The following FRYL variants were observed in gnomAD, a reference collection of about 807,000 sequenced individuals.
FRYL encodes protein furry homolog-like.
In FRYL, 150 loss-of-function variants were observed where a neutral mutation model predicts 351.2. That is an observed-to-expected ratio of 0.43 (90% CI 0.37 to 0.49). FRYL has a LOEUF of 0.49. Ranked by LOEUF, FRYL falls within the 20% of genes least tolerant of loss-of-function variation. FRYL has a pLI of 0.00. For synonymous variants in FRYL, 1,153 were observed against 1,257.1 expected (o/e 0.92, Z 1.75); for missense variants, 3,036 against 3,619.3 (o/e 0.84, Z 4.13).
Position 48,671,873 on chromosome 4 carries a change from C to CAAAAAAAAAAAA in FRYL, c.-81+12788_-81+12799dup, listed in dbSNP as rs71191252. On this transcript the variant is annotated intron_variant, in intron 3 of 63. Coordinates refer to ENST00000358350, the MANE Select transcript of FRYL (RefSeq NM_015030.2). ...GTCTCAAAAACAAAAAAAAAAAAAA[C>CAAAAAAAAAAAA]AAAAAAAAAAAAAAAAAAGAAGGAA... Among the ~76,000 whole-genome samples, 120 of 51,852 alleles carry CAAAAAAAAAAAA rather than the reference C, an allele frequency of 2.3e-3. 1 individual carries two copies. The highest frequency in any genetic ancestry group is 6.5e-3 in the Admixed American group (20 of 3,064). The allele number at this position is 51,852 out of a possible 152,430, so 34.0% of individuals were successfully genotyped here. A position where few individuals can be genotyped will look rare whatever the true frequency, so the allele number is the denominator to read the frequency against.
intron 3 of FRYL, among the ~76,000 whole-genome samples, chr4:48,663,492 T>G (rs1421086824): frequency 6.6e-6 from 1 of 151,242 alleles, no homozygotes; most frequent in African/African-American, 2.4e-5. Context: ...CAAGACAGAT[T>G]TAAACCCAAA....
At chr4:48,634,188 A>T (rs1753792662) in intron 4 of FRYL, 103 bp downstream of exon 4, 3 of 849,894 alleles carry the variant, frequency 3.5e-6, no homozygotes, top group Non-Finnish European at 5.8e-6. Flanking sequence ...ACTATCCCTT[A>T]ATATTTTTTT....
chr4:48,689,411 A>G (rs574611590), intron 2 of FRYL, among the ~76,000 whole-genome samples: 12 of 152,354 alleles, frequency 7.9e-5, no homozygotes, highest in African/African-American at 2.6e-4. Context: ...ATTCAACTAC[A>G]AATTTATCAT....
chr4:48,568,157 C>T (rs146458150), intron 27 of FRYL, among the ~76,000 whole-genome samples: 11 of 152,182 alleles, frequency 7.2e-5, no homozygotes, highest in East Asian at 3.9e-4. Context: ...CCCAGCTACT[C>T]GGGAGGCTAA....
chr4:48,510,168 A>G lies in FRYL; in HGVS notation c.8296-11T>C. 1 of 1,590,876 alleles carries G rather than the reference A, an allele frequency of 6.3e-7. No individual in the cohort carries two copies. Among genetic ancestry groups the G allele is most frequent in the East Asian group, 2.2e-5 (1 of 44,770 alleles). On this transcript the variant is annotated splice_polypyrimidine_tract_variant and intron_variant, in intron 58 of 63. Transcript: ENST00000358350. ...ACCACATGACATCAGCTGTCAAATC[A>G]GAAGTATTGATCCAGGTTACCATTT...
intron 3 of FRYL, among the ~76,000 whole-genome samples, chr4:48,643,163 G>A (rs532922411): frequency 1.3e-5 from 2 of 152,314 alleles, no homozygotes; most frequent in Admixed American, 6.5e-5. Flanking sequence ...ACCTCATCCA[G>A]CAAACATACC....
rs768577029 is a variant in FRYL at position 48,499,703 on chromosome 4, C to T, written c.8784-23G>A. 9.9e-6 allele frequency: 16 copies of T among 1,608,580 alleles called. No homozygotes were observed. The African/African-American group carries it at 2.0e-4, about 20-fold the overall frequency. On this transcript the variant is annotated intron_variant, in intron 63 of 63. Coordinates refer to ENST00000358350, the MANE Select transcript of FRYL (RefSeq NM_015030.2). ...GATCTGAAAATACACAATAGTTTTTCAGTTCTGAGACTTAGGCAATAGTTA... is the reference window on the plus strand; with the variant it reads ...GATCTGAAAATACACAATAGTTTTTTAGTTCTGAGACTTAGGCAATAGTTA...
chr4:48,752,664 T>C (rs944326264), intron 1 of FRYL, among the ~76,000 whole-genome samples: 2 of 152,202 alleles, frequency 1.3e-5, no homozygotes, highest in African/African-American at 2.4e-5. Context: ...CATCCAGTTA[T>C]ATAGGCAAAG....
At chr4:48,544,715 C>A in intron 43 of FRYL, 68 bp downstream of exon 43, 2 of 1,352,372 alleles carry the variant, frequency 1.5e-6, no homozygotes, top group South Asian at 1.6e-5. Context: ...TAACTTTTTG[C>A]TAAGCATTAT....
At position 48,540,549 on chromosome 4, in the gene FRYL, C is replaced by T; in HGVS notation, c.6099G>A (p.Leu2033=). The change falls in exon 46 of 64, where the codon TTG becomes TTA. Residue 2033 remains leucine (L), a synonymous_variant. Coordinates refer to ENST00000358350, the MANE Select transcript of FRYL (RefSeq NM_015030.2). ...LRLLNKLLIH[L]PLDKSESREK... ...CTCGACTCTCTGATTTATCCAAAGGCAAATGGATAAGCAGTTTGTTGAGAA... is the reference window on the plus strand; with the variant it reads ...CTCGACTCTCTGATTTATCCAAAGGTAAATGGATAAGCAGTTTGTTGAGAA... 1.2e-6 allele frequency: 2 copies of T among 1,613,956 alleles called. No homozygotes were observed. The highest frequency in any genetic ancestry group is 1.7e-6 in the Non-Finnish European group (2 of 1,179,922).
chr4:48,545,000 G>T, intron 42 of FRYL, 96 bp from the exon 43 acceptor site: 1 of 1,287,972 alleles, frequency 7.8e-7, no homozygotes, highest in Non-Finnish European at 1.1e-6. Flanking sequence ...CAATTAGAAA[G>T]GATGGTAGTT....
intron 22 of FRYL, among the ~76,000 whole-genome samples, chr4:48,579,626 C>T (rs1011092291): frequency 1.3e-5 from 2 of 152,002 alleles, no homozygotes; most frequent in African/African-American, 4.8e-5. Context: ...GGAACAGACT[C>T]AAAAATGAGC....
chr4:48,606,926 C>T (rs1413762327), intron 9 of FRYL, among the ~76,000 whole-genome samples: 1 of 152,148 alleles, frequency 6.6e-6, no homozygotes, highest in Non-Finnish European at 1.5e-5. Context: ...ACCCACAAAA[C>T]GCCACCATGT....
At chr4:48,568,649 A>G (rs1216842690) in intron 27 of FRYL, among the ~76,000 whole-genome samples, 1 of 152,134 alleles carries the variant, frequency 6.6e-6, no homozygotes, top group Non-Finnish European at 1.5e-5. Flanking sequence ...AGGAGTGGCA[A>G]TGGTACTACA....
At chr4:48,604,623 A>T (rs894124641) in intron 11 of FRYL, among the ~76,000 whole-genome samples, 2 of 152,214 alleles carry the variant, frequency 1.3e-5, no homozygotes, top group Non-Finnish European at 2.9e-5. Flanking sequence ...AGGGGCATGG[A>T]GCAGGTTCCT....
In FRYL at chr4:48,780,049, T is replaced by G. The variant is rs1450516514; in HGVS notation, c.-384+29A>C. ...CCCGGGGCTGGAAGAGAAAGTAAAATGAAGCGCCTTTCCCCAGTCAACACC... is the reference window on the plus strand; with the variant it reads ...CCCGGGGCTGGAAGAGAAAGTAAAAGGAAGCGCCTTTCCCCAGTCAACACC... On this transcript the variant is annotated intron_variant, in intron 1 of 63. Transcript: ENST00000358350. 3.3e-5 allele frequency: 5 copies of G among 151,982 alleles called. No individual in the cohort carries two copies. The East Asian group carries it at 9.8e-4, about 30-fold the overall frequency. 9.4% of individuals were successfully genotyped at this position (151,982 alleles called of 1,614,324 possible). A position where few individuals can be genotyped will look rare whatever the true frequency, so the allele number is the denominator to read the frequency against.
Position 48,561,450 on chromosome 4 carries a change from C to T in FRYL, c.3865+18G>A, listed in dbSNP as rs780706497. On this transcript the variant is annotated intron_variant, in intron 33 of 63. Coordinates refer to ENST00000358350, the MANE Select transcript of FRYL (RefSeq NM_015030.2). ...ATGATTGACAAATAGAAACTACTAA[C>T]CAGTTCATTGATCATACCTGAGAAT... The T allele has an allele frequency of 3.3e-6, 5 of 1,494,652 alleles. No homozygotes were observed. The East Asian group carries it at 9.3e-5, about 28-fold the overall frequency. 92.6% of individuals were successfully genotyped at this position (1,494,652 alleles called of 1,614,324 possible). A position where few individuals can be genotyped will look rare whatever the true frequency, so the allele number is the denominator to read the frequency against.
chr4:48,766,730 C>G (rs1298938117), intron 1 of FRYL, among the ~76,000 whole-genome samples: 1 of 152,068 alleles, frequency 6.6e-6, no homozygotes, highest in African/African-American at 2.4e-5. Flanking sequence ...GCTAGGAAGT[C>G]AGAACAAAGG....
In FRYL at chr4:48,499,377, T is replaced by A. The variant is rs569759815; in HGVS notation, c.*45A>T. On this transcript the variant is annotated 3_prime_UTR_variant, in exon 64 of 64. Transcript: ENST00000358350. ...CATAAAAGGTGCTTGGTTAATATTCTTCATCATCTTCAGTTTAGTTTCTTT... is the reference window on the plus strand; with the variant it reads ...CATAAAAGGTGCTTGGTTAATATTCATCATCATCTTCAGTTTAGTTTCTTT... 9.5e-6 allele frequency: 15 copies of A among 1,580,718 alleles called. No homozygotes were observed. The highest frequency in any genetic ancestry group is 5.4e-5 in the African/African-American group (4 of 73,974).
Sources: gnomAD v4.1 joint callset for allele counts (sites outside exome capture counted in the v4.1 genomes callset) on GRCh38, gnomAD v4.1.1 for gene constraint, MANE v1.5 for transcripts, NCBI Gene and HGNC (gene_info 2026-07-23, HGNC 2026-07-21) for gene names.